The following SOX6 variants were observed in gnomAD, a reference collection of about 807,000 sequenced individuals.
SOX6 encodes SRY-box transcription factor 6.
SOX6 carries 11 observed loss-of-function variants against 97.8 expected under a neutral mutation model. That is an observed-to-expected ratio of 0.11 (90% CI 0.07 to 0.19). The LOEUF is 0.19. Among genes scored for constraint, SOX6 ranks in the 10% least tolerant of loss-of-function variants. SOX6 has a pLI of 1.00. For missense variants in SOX6, 810 were observed against 1,039.5 expected, an observed-to-expected ratio of 0.78 and a Z score of 3.04; for synonymous variants, 360 against 371.4, an observed-to-expected ratio of 0.97 and a Z score of 0.35.
At chr11:16,225,972 G>A (rs1397308980) in intron 4 of SOX6, among the ~76,000 whole-genome samples, 1 of 152,116 alleles carries the variant, frequency 6.6e-6, no homozygotes, top group Non-Finnish European at 1.5e-5. Flanking sequence ...TAAAGTAACA[G>A]GGAGTAATGC....
rs190645637 is a variant in SOX6, at chr11:16,406,121, G to T, written c.-4-64869C>A. ...AGATAGAAAATATCTCTAGAATTCC[G>T]CACAGAGGAAACATAATCCACTTTA... is the stretch of plus-strand genomic sequence containing the variant. On this transcript the variant is annotated intron_variant, in intron 1 of 15. Transcript: ENST00000396356. Among the ~76,000 whole-genome samples, 392 of 152,032 alleles carry T rather than the reference G, an allele frequency of 2.6e-3. 1 individual carries two copies. The highest frequency in any genetic ancestry group is 9.1e-3 in the African/African-American group (376 of 41,478).
At chr11:16,505,109 A>C (rs1353849491) in intron 4 of SOX6, among the ~76,000 whole-genome samples, 1 of 152,224 alleles carries the variant, frequency 6.6e-6, no homozygotes, top group African/African-American at 2.4e-5. Flanking sequence ...AGGTTGCAAC[A>C]GTTTGGAGGG....
Position 16,020,792 on chromosome 11 carries a change from A to G in SOX6, c.1624-5742T>C, listed in dbSNP as rs531680089. ...GGACTTTTGGTTCATGTGCACCACCAAGTCTCCCTCGACAACATCAAAAGA... is the reference window on the plus strand; with the variant it reads ...GGACTTTTGGTTCATGTGCACCACCGAGTCTCCCTCGACAACATCAAAAGA... On this transcript the variant is annotated intron_variant, in intron 12 of 15. Transcript: ENST00000683767. Among the ~76,000 whole-genome samples, 4 of 152,276 alleles carry G rather than the reference A, an allele frequency of 2.6e-5. No homozygotes were observed. The East Asian group carries it at 7.7e-4, about 29-fold the overall frequency.
chr11:16,586,543 T>C (rs1848095490), intron 4 of SOX6, among the ~76,000 whole-genome samples: 1 of 152,074 alleles, frequency 6.6e-6, no homozygotes, highest in Non-Finnish European at 1.5e-5. Flanking sequence ...ATCCCCTGTC[T>C]CTAAAAATAA....
At chr11:16,709,223 G>T (rs1453907942) in intron 3 of SOX6, among the ~76,000 whole-genome samples, 1 of 152,066 alleles carries the variant, frequency 6.6e-6, no homozygotes, top group East Asian at 1.9e-4. Flanking sequence ...TTTTTTAAAG[G>T]TGTGTGGCAC....
chr11:16,586,453 C>T (rs1848094388), intron 4 of SOX6, among the ~76,000 whole-genome samples: 1 of 152,114 alleles, frequency 6.6e-6, no homozygotes. Flanking sequence ...CCTTCAAGGA[C>T]TTACTTAGGC....
At chr11:15,981,317 C>T (rs1344693919) in intron 15 of SOX6, among the ~76,000 whole-genome samples, 1 of 152,056 alleles carries the variant, frequency 6.6e-6, no homozygotes, top group Non-Finnish European at 1.5e-5. Flanking sequence ...AACCCTTCCT[C>T]CCAGTCTAAG....
chr11:16,659,228 C>T (rs757069264), intron 3 of SOX6, among the ~76,000 whole-genome samples: 1 of 152,172 alleles, frequency 6.6e-6, no homozygotes, highest in African/African-American at 2.4e-5. Context: ...AGTATAAGGT[C>T]GGTATCTAAA....
intron 1 of SOX6, among the ~76,000 whole-genome samples, chr11:16,388,974 T>C (rs1488538432): frequency 6.6e-6 from 1 of 152,174 alleles, no homozygotes; most frequent in Non-Finnish European, 1.5e-5. Flanking sequence ...ATCATTCTCT[T>C]TTATTTTCTG....
intron 4 of SOX6, among the ~76,000 whole-genome samples, chr11:16,583,622 T>C (rs866321843): frequency 4.3e-5 from 5 of 116,578 alleles, no homozygotes; most frequent in African/African-American, 6.0e-5. Context: ...TACATATATA[T>C]ATATATATAT....
chr11:16,465,752 T>C (rs900182401), intron 1 of SOX6: 2 of 152,128 alleles, frequency 1.3e-5, no homozygotes, highest in African/African-American at 2.4e-5. Flanking sequence ...AGAGGTGAAA[T>C]AAAAATAGAA....
intron 2 of SOX6, among the ~76,000 whole-genome samples, chr11:16,336,027 A>AAAATAAGAAGT (rs1181172356): frequency 6.6e-6 from 1 of 152,190 alleles, no homozygotes; most frequent in Non-Finnish European, 1.5e-5. Context: ...GTAGGTCTCT[A>AAAATAAGAAGT]AAATAAGAAG....
At chr11:16,505,360 T>C (rs889294260) in intron 4 of SOX6, among the ~76,000 whole-genome samples, 1 of 152,180 alleles carries the variant, frequency 6.6e-6, no homozygotes, top group Non-Finnish European at 1.5e-5. Context: ...ACTTAGGGTA[T>C]CTGGCAGAAG....
At chr11:16,135,366 A>G (rs562232747) in intron 6 of SOX6, among the ~76,000 whole-genome samples, 1 of 152,328 alleles carries the variant, frequency 6.6e-6, no homozygotes, top group Admixed American at 6.5e-5. Context: ...TTTCATACAT[A>G]ATGATTCCTC....
chr11:16,381,098 C>T (rs1002129227), intron 1 of SOX6, among the ~76,000 whole-genome samples: 22 of 151,896 alleles, frequency 1.4e-4, no homozygotes, highest in African/African-American at 5.3e-4. Flanking sequence ...ATAAACCCTA[C>T]AATACCTCCA....
chr11:16,613,160 T>C lies in SOX6; in HGVS notation n.430-900A>G, dbSNP rs9988855. The C allele has an allele frequency of 0.27, 40,730 of 152,042 alleles. 6,210 individuals are homozygous for C. The highest frequency in any genetic ancestry group is 0.53 in the East Asian group (2,745 of 5,132). 9.4% of individuals were successfully genotyped at this position (152,042 alleles called of 1,614,324 possible). On this transcript the variant is annotated intron_variant and non_coding_transcript_variant, in intron 3 of 5. Coordinates refer to the SOX6 transcript ENST00000524520. The surrounding 1 kb of genome is among the most constrained non-coding windows in gnomAD (Gnocchi z 4.6). The stretch of plus-strand genomic sequence containing the variant: ...GCGCCTACGGGAAAAACAGCTGGGA[T>C]GCAGACGGGCTATGGAAATCTCAGT...
intron 3 of SOX6, among the ~76,000 whole-genome samples, chr11:16,244,496 A>G (rs1176221853): frequency 6.6e-6 from 1 of 151,618 alleles, no homozygotes; most frequent in Non-Finnish European, 1.5e-5. Flanking sequence ...TCTCTCTATG[A>G]AATTTTTGTC....
intron 15 of SOX6, among the ~76,000 whole-genome samples, chr11:15,977,309 T>C (rs75127860): frequency 0.047 from 7,156 of 152,142 alleles, 576 homozygotes; most frequent in East Asian, 0.39. Context: ...TTGCTCGCTC[T>C]CTTGTCATAC....
At chr11:16,539,574 C>A (rs1861369759) in intron 4 of SOX6, among the ~76,000 whole-genome samples, 1 of 151,676 alleles carries the variant, frequency 6.6e-6, no homozygotes, top group African/African-American at 2.4e-5. Flanking sequence ...AGACCACTAG[C>A]AAGACTAATA....
Sources: gnomAD v4.1 joint callset for allele counts (sites outside exome capture counted in the v4.1 genomes callset) on GRCh38, gnomAD v4.1.1 for gene constraint, Gnocchi (gnomAD v3.1) non-coding constraint, MANE v1.5 for transcripts, NCBI Gene and HGNC (gene_info 2026-07-23, HGNC 2026-07-21) for gene names.